HK2: variants seen among roughly 807,000 people sequenced by gnomAD.
HK2 encodes the protein hexokinase-2.
HK2 carries 42 observed loss-of-function variants against 92.9 expected under a neutral mutation model. The ratio of observed to expected loss-of-function variants is 0.45; its 90% CI spans 0.35 to 0.58. The LOEUF (loss-of-function observed/expected upper bound fraction) is 0.58, where lower values mean the gene tolerates loss of function less well. Ranked by LOEUF, HK2 falls within the 20% of genes least tolerant of loss-of-function variation. HK2 has a pLI of 0.00. For missense variants in HK2, 978 were observed against 1,245.1 expected (o/e 0.79, Z 3.23); for synonymous variants, 422 against 468.0 (o/e 0.90, Z 1.27).
At chr2:74,872,888 T>C (rs1389589593) in intron 4 of HK2, among the ~76,000 whole-genome samples, 1 of 152,248 alleles carries the variant, frequency 6.6e-6, no homozygotes, top group Non-Finnish European at 1.5e-5. Context: ...ACTACACACC[T>C]AGGCTGTATG....
chr2:74,885,480 TG>T lies in HK2; in HGVS notation c.1840-13del, dbSNP rs780670519. On this transcript the variant is annotated splice_polypyrimidine_tract_variant and intron_variant, in intron 12 of 17. Transcript: ENST00000290573. ...TTCCCTGATGTCCTTTCCATGCTTGTGTGTGATTTTTAGAGCATCCTCCTCA... is the reference window on the plus strand; with the variant it reads ...TTCCCTGATGTCCTTTCCATGCTTGTTGTGATTTTTAGAGCATCCTCCTCA... 1 of 1,593,952 alleles carries T rather than the reference TG, an allele frequency of 6.3e-7. No homozygotes were observed. The highest frequency in any genetic ancestry group is 1.1e-5 in the South Asian group (1 of 90,634).
At chr2:74,855,708 CAAGGTTTTGAGGGGTGTCTTGGT>C (rs1463186508) in intron 2 of HK2, among the ~76,000 whole-genome samples, 4 of 152,122 alleles carry the variant, frequency 2.6e-5, no homozygotes, top group Non-Finnish European at 4.4e-5. Context: ...GGAGTAAATG[CAAGGTTTTGAGGGGTGTCTTGGT>C]AATGTTACAT....
In HK2 at chr2:74,890,946, C is replaced by A. The variant is rs377081632; in HGVS notation, c.*5C>A. The A allele has an allele frequency of 5.0e-6, 8 of 1,614,022 alleles. No homozygotes were observed. In the African/African-American group the frequency reaches 9.3e-5, roughly 19 times the overall value. On this transcript the variant is annotated 3_prime_UTR_variant, in exon 18 of 18. Transcript: ENST00000290573. ...CGTGAGGCTGGACAGCGATAGAACC[C>A]CTGAAATCGGAAGGGACTTCCTCTT...
chr2:74,835,380 A>G (rs555397634), intron 1 of HK2: 2 of 152,718 alleles, frequency 1.3e-5, no homozygotes, highest in African/African-American at 4.8e-5. Flanking sequence ...GTTTGCCCTA[A>G]AAGTTACTCG....
At position 74,886,344 on chromosome 2, in the gene HK2, G is replaced by C. The variant is rs751452985; in HGVS notation, c.1986G>C (p.Met662Ile). Residue 662 changes from methionine (M) to isoleucine (I), a missense_variant, in exon 14 of 18, where the codon ATG becomes ATC. By Grantham distance (10) the Met-to-Ile change is conservative (BLOSUM62 1). Around this residue, in one of 3 missense-constraint regions of HK2, gnomAD observed 742 missense variants for 922.5 expected, o/e 0.80. Transcript: ENST00000290573. ...VAVVNDTVGTMMTCGFEDPHC... is the reference protein window; with the variant it reads ...VAVVNDTVGTIMTCGFEDPHC... ...TGGTGAACGACACAGTCGGAACTAT[G>C]ATGACCTGTGGCTTTGAAGACCCTC... The C allele has an allele frequency of 1.9e-6, 3 of 1,614,216 alleles. No homozygotes were observed. Among genetic ancestry groups the C allele is most frequent in the South Asian group, 1.1e-5 (1 of 91,084 alleles).
chr2:74,856,977 T>C (rs913312908), intron 2 of HK2, among the ~76,000 whole-genome samples: 3 of 152,238 alleles, frequency 2.0e-5, no homozygotes, highest in South Asian at 2.1e-4. Flanking sequence ...GAACTAATTA[T>C]GGGGCAAGCT....
rs138585412 is a variant in HK2, at chr2:74,868,029, C to T, written c.375+245C>T. ...GAAGAAGCATGAAATCCAAGTAAGA[C>T]GCTGTTCAGTGTTGTCACATCTCGG... is the stretch of plus-strand genomic sequence containing the variant. On this transcript the variant is annotated intron_variant, in intron 3 of 17. Transcript: ENST00000290573. 7.7e-4 allele frequency: 376 copies of T among 486,926 alleles called. 5 individuals carry two copies. Among genetic ancestry groups the T allele is most frequent in the South Asian group, 2.9e-3 (152 of 52,008 alleles). 30.2% of individuals were successfully genotyped at this position (486,926 alleles called of 1,614,324 possible).
At chr2:74,875,782 A>G (rs1019541475) in intron 7 of HK2, among the ~76,000 whole-genome samples, 1 of 152,198 alleles carries the variant, frequency 6.6e-6, no homozygotes, top group Non-Finnish European at 1.5e-5. Context: ...AAAGTCACTC[A>G]GTGCCTGCCT....
chr2:74,885,133 C>A (rs1187224211), intron 12 of HK2, among the ~76,000 whole-genome samples: 3 of 152,150 alleles, frequency 2.0e-5, no homozygotes, highest in Non-Finnish European at 4.4e-5. Context: ...TCACTGGGGT[C>A]GGAGGGCCTC....
chr2:74,887,712 A>G (rs2171385), intron 15 of HK2, among the ~76,000 whole-genome samples, 191 bp from the exon 16 acceptor site: 27,324 of 151,852 alleles, frequency 0.18, 2,531 homozygotes, highest in African/African-American at 0.2. Context: ...GTGTTGCTGA[A>G]GGTTGTGAAT....
intron 1 of HK2, among the ~76,000 whole-genome samples, chr2:74,850,543 C>G (rs1325178124): frequency 6.6e-6 from 1 of 152,146 alleles, no homozygotes; most frequent in Non-Finnish European, 1.5e-5. Flanking sequence ...AAGGGCCTTT[C>G]CTTTCTATGG....
chr2:74,890,900 A>G lies in HK2; in HGVS notation c.2713A>G (p.Thr905Ala). The change falls in exon 18 of 18, where the codon ACT becomes GCT. Residue 905 changes from threonine (T) to alanine (A), a missense_variant. Transcript: ENST00000290573. ...CAGCGGGAAGGGGGCGGCGCTCATC[A>G]CTGCTGTGGCCTGCCGCATCCGTGA... ...DGSGKGAALI[T>A]AVACRIREAG... 1.2e-6 allele frequency: 2 copies of G among 1,614,208 alleles called. No homozygotes were observed. The highest frequency in any genetic ancestry group is 1.1e-5 in the South Asian group (1 of 91,078).
intron 3 of HK2, 63 bp from the exon 4 acceptor site, chr2:74,872,237 C>T: frequency 6.3e-7 from 1 of 1,577,568 alleles, no homozygotes; most frequent in South Asian, 1.1e-5. Flanking sequence ...GCCTGAAGTG[C>T]ATGCCCTTAA....
intron 1 of HK2, among the ~76,000 whole-genome samples, chr2:74,840,936 C>A (rs1343937116): frequency 6.7e-6 from 1 of 148,326 alleles, no homozygotes; most frequent in African/African-American, 2.5e-5. Flanking sequence ...CAAATTAAAT[C>A]CCCATAGCTC....
rs1689729195 is a variant in HK2 at position 74,893,345 on chromosome 2, T to C, written c.*2404T>C. The C allele has an allele frequency of 6.6e-6, 1 of 152,236 alleles. No homozygotes were observed. The highest frequency in any genetic ancestry group is 1.5e-5 in the Non-Finnish European group (1 of 68,050). The allele number at this position is 152,236 out of a possible 1,614,324, so 9.4% of individuals were successfully genotyped here. On this transcript the variant is annotated 3_prime_UTR_variant, in exon 18 of 18. Transcript: ENST00000290573. ...CTATTATTAATAAATTTTAACATTT[T>C]CCAAAATAATCAAATGTGATTCATG...
intron 2 of HK2, among the ~76,000 whole-genome samples, chr2:74,865,855 G>A (rs960348575): frequency 6.6e-6 from 1 of 152,102 alleles, no homozygotes; most frequent in Non-Finnish European, 1.5e-5. Flanking sequence ...CGGAGAGAGA[G>A]TACCTAGTAC....
Position 74,871,597 on chromosome 2 carries a change from C to T in HK2, c.376-703C>T, listed in dbSNP as rs376265559. Among the ~76,000 whole-genome samples the T allele has an allele frequency of 1.3e-4, 20 of 152,234 alleles. No individual in the cohort carries two copies. In the South Asian group the frequency reaches 1.5e-3, roughly 11 times the overall value. ...CTGGGTCCTGCACAGTGAGTGCGTG[C>T]GGTCACGGTTGTGAGGCTGCTCACC... On this transcript the variant is annotated intron_variant, in intron 3 of 17. Coordinates refer to ENST00000290573, the MANE Select transcript of HK2 (RefSeq NM_000189.5).
rs1558801119 is a variant in HK2 at position 74,877,024 on chromosome 2, C to T, written c.876-142C>T. 8 of 1,107,720 alleles carry T rather than the reference C, an allele frequency of 7.2e-6. No individual in the cohort carries two copies. The South Asian group carries it at 1.1e-4, about 15-fold the overall frequency. 68.6% of individuals were successfully genotyped at this position (1,107,720 alleles called of 1,614,324 possible). A position where few individuals can be genotyped will look rare whatever the true frequency, so the allele number is the denominator to read the frequency against. On this transcript the variant is annotated intron_variant, in intron 7 of 17. Coordinates refer to ENST00000290573, the MANE Select transcript of HK2 (RefSeq NM_000189.5). ...CCAGCCCCTCTGAGCCGTCACCTCT[C>T]CACGTATCTTACTCCTGGGCCGTGC... is the stretch of plus-strand genomic sequence containing the variant.
intron 2 of HK2, among the ~76,000 whole-genome samples, chr2:74,863,741 G>C (rs1471039660): frequency 6.6e-6 from 1 of 152,142 alleles, no homozygotes; most frequent in Non-Finnish European, 1.5e-5. Context: ...CCTCAACCCA[G>C]AGTCACCCCA....
Sources: gnomAD v4.1 joint callset for allele counts (sites outside exome capture counted in the v4.1 genomes callset) on GRCh38, gnomAD v4.1.1 for gene constraint, gnomAD v4.1.1 regional missense constraint, MANE v1.5 for transcripts, NCBI Gene and HGNC (gene_info 2026-07-23, HGNC 2026-07-21) for gene names.